The following FAP variants were observed in gnomAD, a reference collection of about 807,000 sequenced individuals.
FAP encodes the protein prolyl endopeptidase FAP.
Under a neutral mutation model 126.5 loss-of-function variants are expected in FAP, and 110 were observed. That is an observed-to-expected ratio of 0.87 (90% CI 0.74 to 1.02). The LOEUF is 1.02. Among genes scored for constraint, FAP ranks in the 50% least tolerant of loss-of-function variants. The probability of loss-of-function intolerance (pLI) is 0.00; values close to 1 mark genes in which losing one functional copy is unlikely to be tolerated. For missense variants in FAP, 919 were observed against 909.2 expected (o/e 1.01, Z -0.14); for synonymous variants, 334 against 297.3 (o/e 1.12, Z -1.27).
intron 12 of FAP, 43 bp from the exon 13 acceptor site, chr2:162,203,188 A>G (rs1688565911): frequency 7.6e-7 from 1 of 1,318,042 alleles, no homozygotes; most frequent in East Asian, 2.3e-5. Flanking sequence ...GACAAACCAA[A>G]CTAAAACCAT....
intron 6 of FAP, among the ~76,000 whole-genome samples, chr2:162,222,866 A>G (rs1666105904): frequency 1.3e-5 from 2 of 152,050 alleles, no homozygotes; most frequent in South Asian, 4.2e-4. Context: ...CTCAATTTCA[A>G]ACAAATTGAC....
In FAP at chr2:162,202,924, T is replaced by C. The variant is rs1265542231; in HGVS notation, c.1171A>G (p.Thr391Ala). The change falls in exon 14 of 26, where the codon ACA (threonine) becomes GCA (alanine). Residue 391 changes from threonine (T) to alanine (A), a missense_variant. Thr to Ala is a moderately conservative substitution (Grantham distance 58). Transcript: ENST00000188790. ...KDTVENAIQITSGKWEAINIF... is the reference protein window; with the variant it reads ...KDTVENAIQIASGKWEAINIF... ...TTTATGGCCTCCCACTTGCCACTTG[T>C]AATTTGAATAGCATTTTCCTATAAA... 2 of 1,613,560 alleles carry C rather than the reference T, an allele frequency of 1.2e-6. No individual in the cohort carries two copies. The highest frequency in any genetic ancestry group is 1.7e-6 in the Non-Finnish European group (2 of 1,179,596).
chr2:162,204,903 C>T (rs1315854622), intron 12 of FAP, among the ~76,000 whole-genome samples: 1 of 152,102 alleles, frequency 6.6e-6, no homozygotes, highest in Non-Finnish European at 1.5e-5. Flanking sequence ...GAAACACAAC[C>T]TTAGTACATA....
rs138941808 is a variant in FAP, at chr2:162,183,091, A to G, written c.1869+323T>C. ...TAGAAATATAAAATAAAAGGTATAT[A>G]TTTAACTTTAAAATAACAAAGGCAA... On this transcript the variant is annotated intron_variant, in intron 21 of 25. Transcript: ENST00000188790. 8.5e-5 allele frequency among the ~76,000 whole-genome samples: 13 copies of G among 152,316 alleles called. No individual in the cohort carries two copies. The East Asian group carries it at 2.3e-3, about 27-fold the overall frequency.
Position 162,243,025 on chromosome 2 carries a change from C to T in FAP, c.7-33G>A, listed in dbSNP as rs760811208. 4 of 1,531,166 alleles carry T rather than the reference C, an allele frequency of 2.6e-6. No individual in the cohort carries two copies. In the South Asian group the frequency reaches 3.4e-5, roughly 13 times the overall value. The allele number at this position is 1,531,166 out of a possible 1,614,324, so 94.8% of individuals were successfully genotyped here. On this transcript the variant is annotated intron_variant, in intron 1 of 25. Coordinates refer to ENST00000188790, the MANE Select transcript of FAP (RefSeq NM_004460.5). ...AAATAAAGAGAATTAGGCATACACACAGTTCCTGCTAAATAGTAGAAATGG... is the reference window on the plus strand; with the variant it reads ...AAATAAAGAGAATTAGGCATACACATAGTTCCTGCTAAATAGTAGAAATGG...
At chr2:162,200,211 A>G in intron 15 of FAP, among the ~76,000 whole-genome samples, 1 of 152,214 alleles carries the variant, frequency 6.6e-6, no homozygotes, top group South Asian at 2.1e-4. Flanking sequence ...ACATATTATC[A>G]GAATAAAAAC....
chr2:162,190,237 A>AT (rs1033402526), intron 17 of FAP, among the ~76,000 whole-genome samples: 1 of 152,054 alleles, frequency 6.6e-6, no homozygotes, highest in African/African-American at 2.4e-5. Flanking sequence ...TATTTCTGTG[A>AT]TTTTTAAAAT....
In FAP at chr2:162,234,345, G is replaced by A. The variant is rs76248302; in HGVS notation, c.92-7724C>T. 4.4e-3 allele frequency among the ~76,000 whole-genome samples: 670 copies of A among 152,106 alleles called. 29 individuals carry two copies. The East Asian group carries it at 0.11, about 24-fold the overall frequency. ...ATTGTTTTATGATCCATAAACATGG[G>A]ATGTCTTTCCACTTATTTAGATCTT... On this transcript the variant is annotated intron_variant, in intron 2 of 25. Transcript: ENST00000188790.
In FAP at chr2:162,194,759, G is replaced by A; in HGVS notation, c.1403-11C>T. 1 of 1,613,188 alleles carries A rather than the reference G, an allele frequency of 6.2e-7. No homozygotes were observed. The highest frequency in any genetic ancestry group is 8.5e-7 in the Non-Finnish European group (1 of 1,179,284). ...TGGGGATGCCTGGGCCTGTGGGCAG[G>A]ATGAAAACAAAATCATGGCTTAGTG... On this transcript the variant is annotated splice_polypyrimidine_tract_variant and intron_variant, in intron 16 of 25. Transcript: ENST00000188790.
chr2:162,221,228 A>G (rs1003894133), intron 6 of FAP, among the ~76,000 whole-genome samples: 17 of 152,090 alleles, frequency 1.1e-4, no homozygotes, highest in Non-Finnish European at 2.9e-5. Flanking sequence ...GTTGAAAGGG[A>G]TGCAAGAGCC....
chr2:162,186,193 G>A (rs528913598), intron 20 of FAP, among the ~76,000 whole-genome samples: 1 of 152,072 alleles, frequency 6.6e-6, no homozygotes, highest in African/African-American at 2.4e-5. Context: ...GTACTGCAAT[G>A]GCATGTATTA....
At chr2:162,229,866 T>A (rs1435545389) in intron 2 of FAP, among the ~76,000 whole-genome samples, 1 of 152,146 alleles carries the variant, frequency 6.6e-6, no homozygotes, top group Non-Finnish European at 1.5e-5. Context: ...ACTCAAAAAA[T>A]CTGTAAAGCA....
At chr2:162,206,000 C>A (rs1392899455) in intron 12 of FAP, among the ~76,000 whole-genome samples, 2 of 152,110 alleles carry the variant, frequency 1.3e-5, no homozygotes, top group African/African-American at 4.8e-5. Flanking sequence ...CTTAGCATCT[C>A]ATTTTTATTG....
chr2:162,174,805 T>A, intron 22 of FAP, 62 bp downstream of exon 22: 7 of 1,150,210 alleles, frequency 6.1e-6, no homozygotes, highest in Non-Finnish European at 9.1e-6. Context: ...TCTAGCAACA[T>A]CAGATATAGA....
intron 21 of FAP, among the ~76,000 whole-genome samples, chr2:162,179,880 C>T (rs1687636675): frequency 6.7e-6 from 1 of 149,760 alleles, no homozygotes; most frequent in Admixed American, 6.7e-5. Context: ...GCAATCTCAG[C>T]TTACTGCAAC....
intron 2 of FAP, among the ~76,000 whole-genome samples, chr2:162,234,403 C>T (rs1690020159): frequency 6.6e-6 from 1 of 151,952 alleles, no homozygotes; most frequent in African/African-American, 2.4e-5. Flanking sequence ...TATAGAAATA[C>T]TATTGATCTT....
At position 162,172,743 on chromosome 2, in the gene FAP, A is replaced by G. The variant is rs147700298; in HGVS notation, c.2181+68T>C. On this transcript the variant is annotated intron_variant, in intron 25 of 25. Coordinates refer to ENST00000188790, the MANE Select transcript of FAP (RefSeq NM_004460.5). ...TTACTTTAAAAGTTAAAAAAAATAA[A>G]AATATGAACCCCTCCTTTTAGCTTG... The G allele has an allele frequency of 5.2e-4, 536 of 1,038,226 alleles. 2 individuals are homozygous for G. The African/African-American group carries it at 7.8e-3, about 15-fold the overall frequency. 64.3% of individuals were successfully genotyped at this position (1,038,226 alleles called of 1,614,324 possible). A position where few individuals can be genotyped will look rare whatever the true frequency, so the allele number is the denominator to read the frequency against.
chr2:162,218,221 A>G, intron 8 of FAP, 81 bp from the exon 9 acceptor site: 1 of 916,446 alleles, frequency 1.1e-6, no homozygotes, highest in Non-Finnish European at 1.6e-6. Flanking sequence ...ATAGCTATTT[A>G]TCAACTGAAA....
At chr2:162,206,687 T>C (rs988808707) in intron 12 of FAP, among the ~76,000 whole-genome samples, 4 of 152,220 alleles carry the variant, frequency 2.6e-5, no homozygotes, top group African/African-American at 9.6e-5. Context: ...GATTAACTCT[T>C]CACTTTTCTG....
Sources: gnomAD v4.1 joint callset for allele counts (sites outside exome capture counted in the v4.1 genomes callset) on GRCh38, gnomAD v4.1.1 for gene constraint, MANE v1.5 for transcripts, NCBI Gene and HGNC (gene_info 2026-07-23, HGNC 2026-07-21) for gene names.